The following PIEZO1 variants were observed in gnomAD, a reference collection of about 807,000 sequenced individuals.
PIEZO1 encodes the protein piezo-type mechanosensitive ion channel component 1.
In PIEZO1, 296 loss-of-function variants were observed where a neutral mutation model predicts 297.2. The ratio of observed to expected loss-of-function variants is 1.00; its 90% CI spans 0.91 to 1.10. PIEZO1 has a LOEUF of 1.10. Among genes scored for constraint, PIEZO1 ranks in the 50% least tolerant of loss-of-function variants. PIEZO1 has a pLI of 0.00. For synonymous variants in PIEZO1, 2,427 were observed against 1,507.5 expected (o/e 1.61, Z -14.13); for missense variants, 5,018 against 3,455.5 (o/e 1.45, Z -11.34).
chr16:88,764,785 C>A (rs922170269), intron 1 of PIEZO1, among the ~76,000 whole-genome samples: 2 of 151,892 alleles, frequency 1.3e-5, no homozygotes, highest in Admixed American at 6.6e-5. Flanking sequence ...AAAAGGAATG[C>A]CCCTGCCACG....
intron 2 of PIEZO1, chr16:88,742,995 G>A (rs1425954733): frequency 2.2e-6 from 1 of 452,110 alleles, no homozygotes; most frequent in Admixed American, 2.4e-5. Context: ...AGTCCCCATG[G>A]CCACCCTGGC....
chr16:88,748,610 G>C (rs1209669036), intron 2 of PIEZO1, among the ~76,000 whole-genome samples: 1 of 152,076 alleles, frequency 6.6e-6, no homozygotes, highest in Non-Finnish European at 1.5e-5. Flanking sequence ...GGCAGGAAAC[G>C]TGCCTGGAGC....
chr16:88,735,241 G>A lies in PIEZO1; in HGVS notation c.1563C>T (p.Leu521=), dbSNP rs1001096609. The change falls in exon 13 of 51, where the codon CTC becomes CTT. Residue 521 remains leucine, a synonymous_variant. Coordinates refer to ENST00000301015, the MANE Select transcript of PIEZO1 (RefSeq NM_001142864.4). Reference sequence around the variant, plus strand: ...GCAGGAGCCAGAAGGTCAGGGTGTAGAGCAACTGTGACAAGCGCAGGGTGT... The same window carrying A: ...GCAGGAGCCAGAAGGTCAGGGTGTAAAGCAACTGTGACAAGCGCAGGGTGT... ...YPCLDLGAML[L]YTLTFWLLLR... is the part of the protein sequence containing the mutation. 4.5e-6 allele frequency: 7 copies of A among 1,548,842 alleles called. No homozygotes were observed. The highest frequency in any genetic ancestry group is 6.1e-6 in the Non-Finnish European group (7 of 1,145,624).
chr16:88,732,045 C>A, intron 21 of PIEZO1, 135 bp from the exon 22 acceptor site: 1 of 158,554 alleles, frequency 6.3e-6, no homozygotes, highest in East Asian at 1.2e-4. Flanking sequence ...ACAGGGCCAG[C>A]GGCGCTGTCA....
At position 88,741,620 on chromosome 16, in the gene PIEZO1, C is replaced by G. The variant is rs1045265301; in HGVS notation, c.327-4G>C. ...GGGGATGTCCTTCAGGTCCAGCCTG[C>G]GGAGAGCAGGGAGCAGCCGCGGTCA... On this transcript the variant is annotated splice_polypyrimidine_tract_variant and splice_region_variant and intron_variant, in intron 4 of 50. Transcript: ENST00000301015. 3.3e-6 allele frequency: 5 copies of G among 1,533,566 alleles called. No homozygotes were observed. Among genetic ancestry groups the G allele is most frequent in the Non-Finnish European group, 4.4e-6 (5 of 1,145,978 alleles). 95.0% of individuals were successfully genotyped at this position (1,533,566 alleles called of 1,614,324 possible).
intron 21 of PIEZO1, 47 bp downstream of exon 21, chr16:88,732,288 C>A (rs1281147830): frequency 1.1e-5 from 17 of 1,500,452 alleles, no homozygotes; most frequent in Non-Finnish European, 1.4e-5. Context: ...TCCCTCCCTC[C>A]CGAAGGCCAA....
At chr16:88,715,894 C>A (rs1911981272) in intron 50 of PIEZO1, 39 bp downstream of exon 50, 20 of 1,539,828 alleles carry the variant, frequency 1.3e-5, no homozygotes, top group Non-Finnish European at 1.5e-5. Context: ...CGCCCGGAGC[C>A]CCCCGAGCTG....
At chr16:88,724,531 C>CAAAAA (rs374217979) in intron 30 of PIEZO1, among the ~76,000 whole-genome samples, 1 of 99,454 alleles carries the variant, frequency 1.0e-5, no homozygotes, top group Non-Finnish European at 2.1e-5. Context: ...ACACCGTCTC[C>CAAAAA]AAAAAAAAAA....
rs1355713801 is a variant in PIEZO1, at chr16:88,716,233, C to A, written c.7094G>T (p.Gly2365Val). The A allele has an allele frequency of 1.3e-6, 2 of 1,496,076 alleles. No homozygotes were observed. The highest frequency in any genetic ancestry group is 2.2e-5 in the Admixed American group (1 of 45,804). The allele number at this position is 1,496,076 out of a possible 1,614,324, so 92.7% of individuals were successfully genotyped here. A position where few individuals can be genotyped will look rare whatever the true frequency, so the allele number is the denominator to read the frequency against. The change falls in exon 49 of 51, where the codon GGG becomes GTG. Residue 2365 changes from glycine to valine, a missense_variant. Transcript: ENST00000301015. ...LFPKYIRAPN[G>V]PEANPVKQLQ... ...CTGCTTCACAGGGTTGGCTTCGGGC[C>A]CGTTGGGGGCACGGATGTACTTGGG...
chr16:88,720,818 C>G (rs909578757), intron 39 of PIEZO1, 70 bp from the exon 40 acceptor site: 12 of 1,419,006 alleles, frequency 8.5e-6, no homozygotes, highest in Admixed American at 2.9e-5. Context: ...CCTGACCACC[C>G]TAAGAGGCTG....
rs1376115672 is a variant in PIEZO1, at chr16:88,721,825, C to G, written c.5197G>C (p.Ala1733Pro). The G allele has an allele frequency of 1.3e-6, 2 of 1,546,924 alleles. No homozygotes were observed. The highest frequency in any genetic ancestry group is 1.7e-6 in the Non-Finnish European group (2 of 1,146,298). Residue 1733 changes from alanine to proline, a missense_variant, in exon 37 of 51, where the codon GCC (alanine) becomes CCC (proline). Physicochemically the swap from Ala to Pro is conservative, Grantham distance 27. Transcript: ENST00000301015. ...CGGCCCACCTCGGTGAAGACGATGG[C>G]CGTCATCCAGAAGCGCTTGCTGGGC... is the stretch of plus-strand genomic sequence containing the variant. Reference protein sequence around the residue: ...PRPSKRFWMTAIVFTEIAVVV... With the variant: ...PRPSKRFWMTPIVFTEIAVVV...
At chr16:88,735,497 G>A (rs994645853) in intron 12 of PIEZO1, among the ~76,000 whole-genome samples, 3 of 152,262 alleles carry the variant, frequency 2.0e-5, no homozygotes, top group Non-Finnish European at 4.4e-5. Flanking sequence ...AGTCACACAC[G>A]GGTTCACTAG....
At chr16:88,744,628 C>A (rs1406225267) in intron 2 of PIEZO1, among the ~76,000 whole-genome samples, 1 of 150,522 alleles carries the variant, frequency 6.6e-6, no homozygotes, top group African/African-American at 2.4e-5. Context: ...TCGGATGTCA[C>A]TGCTTCCCCA....
At chr16:88,733,769 C>T (rs532138806) in intron 17 of PIEZO1, 24 bp from the exon 18 acceptor site, 61 of 1,508,200 alleles carry the variant, frequency 4.0e-5, no homozygotes, top group African/African-American at 2.8e-4. Context: ...AGGGTCAGTG[C>T]GGGGCACAAA....
At position 88,731,767 on chromosome 16, in the gene PIEZO1, C is replaced by T. The variant is rs574697533; in HGVS notation, c.3135G>A (p.Leu1045=). The change falls in exon 22 of 51, where the codon CTG becomes CTA. Residue 1045 remains leucine, a synonymous_variant. Transcript: ENST00000301015. ...ARLWPNYCLF[L]ALFLLYQYLL... ...GGTACTGGTACAGCAGGAACAGCGC[C>T]AGGAAGAGGCAGTAGTTGGGCCAGA... The T allele has an allele frequency of 6.5e-7, 1 of 1,549,610 alleles. No homozygotes were observed. Among genetic ancestry groups the T allele is most frequent in the East Asian group, 2.5e-5 (1 of 40,772 alleles).
At chr16:88,732,296 C>G (rs1178799320) in intron 21 of PIEZO1, 39 bp downstream of exon 21, 1 of 1,521,120 alleles carries the variant, frequency 6.6e-7, no homozygotes, top group African/African-American at 1.4e-5. Context: ...TCCCGAAGGC[C>G]AAGCCCTGCC....
intron 36 of PIEZO1, 22 bp from the exon 37 acceptor site, chr16:88,722,088 T>TG (rs1416357074): frequency 6.5e-7 from 1 of 1,538,994 alleles, no homozygotes; most frequent in Non-Finnish European, 8.8e-7. Flanking sequence ...CCCGCGTGTT[T>TG]GGGGGAGTCT....
At position 88,723,129 on chromosome 16, in the gene PIEZO1, C is replaced by A. The variant is rs1904295011; in HGVS notation, c.4461G>T (p.Val1487=). 3 of 1,548,960 alleles carry A rather than the reference C, an allele frequency of 1.9e-6. No homozygotes were observed. The highest frequency in any genetic ancestry group is 2.6e-6 in the Non-Finnish European group (3 of 1,146,826). The change falls in exon 33 of 51, where the codon GTG becomes GTT. Residue 1487 remains valine, a synonymous_variant. Coordinates refer to ENST00000301015, the MANE Select transcript of PIEZO1 (RefSeq NM_001142864.4). The part of the protein sequence containing the change: ...LPTGGGPSQE[V]EPAEGPEEAA... ...CCTCCTCGGGGCCCTCTGCTGGCTC[C>A]ACCTCCTGGCTGGGACCACCTCCTG...
intron 22 of PIEZO1, among the ~76,000 whole-genome samples, chr16:88,728,281 G>C (rs1372058638): frequency 1.3e-5 from 2 of 152,282 alleles, no homozygotes; most frequent in East Asian, 3.8e-4. Context: ...GGAGGCGTGT[G>C]AGGCAGGGAG....
Sources: allele counts gnomAD v4.1 joint callset (sites outside exome capture counted in the v4.1 genomes callset), GRCh38; gene constraint gnomAD v4.1.1; transcripts MANE v1.5; gene names NCBI Gene and HGNC (gene_info 2026-07-23, HGNC 2026-07-21).